LPP: variants seen among roughly 807,000 people sequenced by gnomAD.
LPP encodes the protein lipoma-preferred partner.
Under a neutral mutation model 60.4 loss-of-function variants are expected in LPP, and 38 were observed. That is an observed-to-expected ratio of 0.63 (90% CI 0.49 to 0.83). The LOEUF is 0.83. LPP is among the 40% of genes least tolerant of loss of function. The pLI is 0.00. For synonymous variants in LPP, 328 were observed against 290.8 expected, an observed-to-expected ratio of 1.13 and a Z score of -1.30; for missense variants, 902 against 783.6, an observed-to-expected ratio of 1.15 and a Z score of -1.80.
At chr3:188,421,023 C>CT (rs753701695) in intron 4 of LPP, among the ~76,000 whole-genome samples, 11 of 152,072 alleles carry the variant, frequency 7.2e-5, no homozygotes, top group Non-Finnish European at 1.3e-4. Flanking sequence ...ATGGTACCCC[C>CT]TCACCCCCCA....
intron 6 of LPP, among the ~76,000 whole-genome samples, chr3:188,598,099 A>T (rs1334304989): frequency 6.6e-6 from 1 of 152,150 alleles, no homozygotes; most frequent in Non-Finnish European, 1.5e-5. Flanking sequence ...AAGTTGCGAG[A>T]TGGAAGCAGG....
At chr3:188,729,864 G>A (rs1012578578) in intron 8 of LPP, among the ~76,000 whole-genome samples, 1 of 151,904 alleles carries the variant, frequency 6.6e-6, no homozygotes, top group Admixed American at 6.6e-5. Flanking sequence ...ATATGCTGTG[G>A]TTCCAGCTAA....
At chr3:188,864,028 CA>C (rs148987560) in intron 9 of LPP, among the ~76,000 whole-genome samples, 18,028 of 151,526 alleles carry the variant, frequency 0.12, 1,525 homozygotes, top group Non-Finnish European at 0.18. Context: ...TTTCCAGCCA[CA>C]TTAGCTCACA....
rs576843740 is a variant in LPP, at chr3:188,639,740, T to C, written c.1113+29896T>C. Reference sequence around the variant, plus strand: ...CAGACACTTCTCAAAAGAAGACATTTATGCAGCCAAAAAAACACATGAAAA... The same window carrying C: ...CAGACACTTCTCAAAAGAAGACATTCATGCAGCCAAAAAAACACATGAAAA... On this transcript the variant is annotated intron_variant, in intron 7 of 11. Transcript: ENST00000617246. Among the ~76,000 whole-genome samples, 15 of 152,220 alleles carry C rather than the reference T, an allele frequency of 9.9e-5. No homozygotes were observed. The East Asian group carries it at 2.7e-3, about 27-fold the overall frequency.
chr3:188,526,622 T>C (rs1560521265), intron 6 of LPP, among the ~76,000 whole-genome samples: 1 of 152,160 alleles, frequency 6.6e-6, no homozygotes, highest in South Asian at 2.1e-4. Context: ...CCCTGTACCT[T>C]TTCTTAACAT....
chr3:188,824,948 C>G (rs1754983058), intron 9 of LPP, among the ~76,000 whole-genome samples: 1 of 152,150 alleles, frequency 6.6e-6, no homozygotes, highest in South Asian at 2.1e-4. Flanking sequence ...GAAGGGACAT[C>G]TGAGAATCAT....
At chr3:188,560,199 GT>G (rs1830351446) in intron 6 of LPP, among the ~76,000 whole-genome samples, 1 of 152,058 alleles carries the variant, frequency 6.6e-6, no homozygotes, top group Non-Finnish European at 1.5e-5. Context: ...GTAGGTGCAG[GT>G]TTACTTCCCC....
intron 7 of LPP, among the ~76,000 whole-genome samples, chr3:188,707,696 C>T (rs942186219): frequency 6.6e-6 from 1 of 152,166 alleles, no homozygotes; most frequent in Non-Finnish European, 1.5e-5. Flanking sequence ...TCCCGAAGTA[C>T]ACAACTTCCA....
At chr3:188,240,009 C>G (rs531403690) in intron 2 of LPP, 1 of 195,888 alleles carries the variant, frequency 5.1e-6, no homozygotes, top group Non-Finnish European at 1.1e-5. Flanking sequence ...AAATGAGTTG[C>G]TCAAGGTCTC....
chr3:188,599,125 C>G (rs1471789016), intron 6 of LPP, among the ~76,000 whole-genome samples: 1 of 152,086 alleles, frequency 6.6e-6, no homozygotes, highest in Non-Finnish European at 1.5e-5. Context: ...ACTGAGTGTA[C>G]TGTATGGGTA....
In LPP at chr3:188,538,878, C is replaced by T. The variant is rs73054774; in HGVS notation, c.429+14091C>T. ...AGGAACGAAGCTCTGCAACATGCTA[C>T]GATATGGATGAACCTGGGAAACATT... On this transcript the variant is annotated intron_variant, in intron 6 of 11. Transcript: ENST00000617246. Among the ~76,000 whole-genome samples, 734 of 152,220 alleles carry T rather than the reference C, an allele frequency of 4.8e-3. 8 individuals carry two copies. The highest frequency in any genetic ancestry group is 0.016 in the African/African-American group (685 of 41,530).
At chr3:188,308,686 A>G (rs1047499945) in intron 2 of LPP, among the ~76,000 whole-genome samples, 3 of 152,200 alleles carry the variant, frequency 2.0e-5, no homozygotes, top group African/African-American at 7.2e-5. Flanking sequence ...GTTGAGAGAA[A>G]CAAACAAAAT....
intron 4 of LPP, among the ~76,000 whole-genome samples, chr3:188,415,123 A>T (rs1489804023): frequency 6.6e-6 from 1 of 152,182 alleles, no homozygotes; most frequent in East Asian, 1.9e-4. Flanking sequence ...GATACATATT[A>T]ATCATCTTTA....
Position 188,610,319 on chromosome 3 carries a change from C to T in LPP, c.1113+475C>T, listed in dbSNP as rs1361484920. The stretch of plus-strand genomic sequence containing the variant: ...AGGGCAAAACTGAGTGAACTGCTGT[C>T]AGGCTGTGGCCCTGTGAAGGCGATT... On this transcript the variant is annotated intron_variant, in intron 7 of 11. Transcript: ENST00000617246. The surrounding 1 kb of genome is among the most constrained non-coding windows in gnomAD (Gnocchi z 4.4). 6.6e-6 allele frequency among the ~76,000 whole-genome samples: 1 copy of T among 152,162 alleles called. No homozygotes were observed. Among genetic ancestry groups the T allele is most frequent in the Non-Finnish European group, 1.5e-5 (1 of 68,020 alleles).
At chr3:188,394,137 A>G (rs1780344866) in intron 3 of LPP, among the ~76,000 whole-genome samples, 1 of 152,238 alleles carries the variant, frequency 6.6e-6, no homozygotes, top group Admixed American at 6.5e-5. Context: ...TCGTAAGGCT[A>G]CTTTTTAAAG....
intron 2 of LPP, among the ~76,000 whole-genome samples, chr3:188,303,410 G>A (rs1374750305): frequency 6.6e-6 from 1 of 152,134 alleles, no homozygotes; most frequent in African/African-American, 2.4e-5. Flanking sequence ...GCATGGGATA[G>A]GTGACCAGTA....
chr3:188,401,647 A>C (rs1266290375), intron 3 of LPP, among the ~76,000 whole-genome samples: 2 of 152,244 alleles, frequency 1.3e-5, no homozygotes, highest in Admixed American at 6.5e-5. Flanking sequence ...AAATAAATTC[A>C]TTCATTCATT....
chr3:188,757,330 A>G (rs1014559903), intron 8 of LPP, among the ~76,000 whole-genome samples: 1 of 152,182 alleles, frequency 6.6e-6, no homozygotes, highest in Admixed American at 6.5e-5. Context: ...TTCAAAGCTT[A>G]TCTTTTCAGC....
intron 2 of LPP, among the ~76,000 whole-genome samples, chr3:188,232,702 T>G (rs1463117214): frequency 6.6e-6 from 1 of 152,012 alleles, no homozygotes; most frequent in Admixed American, 6.6e-5. Context: ...TCATTTTTAT[T>G]AAAAGTACAT....
Sources: allele counts gnomAD v4.1 joint callset (sites outside exome capture counted in the v4.1 genomes callset), GRCh38; gene constraint gnomAD v4.1.1; non-coding constraint Gnocchi (gnomAD v3.1); transcripts MANE v1.5; gene names NCBI Gene and HGNC (gene_info 2026-07-23, HGNC 2026-07-21).